Variants in SFXN5 observed in about 807,000 individuals in gnomAD.
SFXN5 encodes the protein sideroflexin-5.
SFXN5 carries 43 observed loss-of-function variants against 50.2 expected under a neutral mutation model. That is an observed-to-expected ratio of 0.86 (90% confidence interval 0.67 to 1.11). SFXN5 has a LOEUF of 1.11. SFXN5 is among the 50% of genes least tolerant of loss of function. The pLI is 0.00. For missense variants in SFXN5, 463 were observed against 454.1 expected, an observed-to-expected ratio of 1.02 and a Z score of -0.18; for synonymous variants, 203 against 185.8, an observed-to-expected ratio of 1.09 and a Z score of -0.75.
chr2:73,024,621 G>T (rs993203907), intron 3 of SFXN5, among the ~76,000 whole-genome samples: 1 of 152,108 alleles, frequency 6.6e-6, no homozygotes, highest in Admixed American at 6.6e-5. Flanking sequence ...GCCACAGCAC[G>T]CCAGCTTGGA....
chr2:72,991,380 C>T (rs190167566), intron 9 of SFXN5, among the ~76,000 whole-genome samples: 3 of 152,398 alleles, frequency 2.0e-5, no homozygotes, highest in African/African-American at 4.8e-5. Context: ...GCATGGCCAA[C>T]GTGCCTGCGC....
In SFXN5 at chr2:72,944,957, G is replaced by A; in HGVS notation, c.*65C>T. 5 of 1,492,698 alleles carry A rather than the reference G, an allele frequency of 3.3e-6. No individual in the cohort carries two copies. Among genetic ancestry groups the A allele is most frequent in the East Asian group, 2.3e-5 (1 of 42,858 alleles). The allele number at this position is 1,492,698 out of a possible 1,614,324, so 92.5% of individuals were successfully genotyped here. A position where few individuals can be genotyped will look rare whatever the true frequency, so the allele number is the denominator to read the frequency against. On this transcript the variant is annotated 3_prime_UTR_variant, in exon 14 of 14. Coordinates refer to ENST00000272433, the MANE Select transcript of SFXN5 (RefSeq NM_144579.3). Reference sequence around the variant, plus strand: ...CTGCTCCCTGCAGGTGCAGCCGTGAGTCTACGGCCCTGCCCCTCAGCTCCC... The same window carrying A: ...CTGCTCCCTGCAGGTGCAGCCGTGAATCTACGGCCCTGCCCCTCAGCTCCC...
At chr2:72,994,880 G>A (rs1384908871) in intron 9 of SFXN5, 1 of 152,360 alleles carries the variant, frequency 6.6e-6, no homozygotes. Context: ...GCCCGGAGTT[G>A]GTCATGCTCT....
At chr2:73,068,569 T>C (rs1683338831) in intron 1 of SFXN5, among the ~76,000 whole-genome samples, 1 of 152,030 alleles carries the variant, frequency 6.6e-6, no homozygotes, top group Middle Eastern at 3.2e-3. Context: ...GTCACAACCT[T>C]ACAAGTCAAT....
intron 1 of SFXN5, among the ~76,000 whole-genome samples, chr2:73,063,760 T>C (rs1682983061): frequency 6.6e-6 from 1 of 152,316 alleles, no homozygotes; most frequent in East Asian, 1.9e-4. Context: ...TTCGATACTT[T>C]ATAGATCCTG....
At chr2:73,011,775 G>C (rs1443450332) in intron 6 of SFXN5, among the ~76,000 whole-genome samples, 1 of 152,198 alleles carries the variant, frequency 6.6e-6, no homozygotes, top group Non-Finnish European at 1.5e-5. Context: ...GAATACTAGT[G>C]TTACAAAAGC....
intron 10 of SFXN5, among the ~76,000 whole-genome samples, chr2:72,974,110 C>T (rs745486090): frequency 6.6e-6 from 1 of 152,236 alleles, no homozygotes; most frequent in Non-Finnish European, 1.5e-5. Flanking sequence ...AATGTAGGGT[C>T]TCCATGGGAT....
rs1417934010 is a variant in SFXN5 at position 72,950,431 on chromosome 2, G to A, written c.946-5332C>T. On this transcript the variant is annotated intron_variant, in intron 13 of 13. Coordinates refer to ENST00000272433, the MANE Select transcript of SFXN5 (RefSeq NM_144579.3). The surrounding 1 kb of genome is among the most constrained non-coding windows in gnomAD (Gnocchi z 4.2). ...GCCAACTTAACTGGTCATTTGTTAG[G>A]ACCCCTCCAGCTCTCTGGCCATGGC... Among the ~76,000 whole-genome samples, 1 of 152,152 alleles carries A rather than the reference G, an allele frequency of 6.6e-6. No individual in the cohort carries two copies. Among genetic ancestry groups the A allele is most frequent in the Non-Finnish European group, 1.5e-5 (1 of 68,020 alleles).
At chr2:72,972,914 T>TG (rs997398884) in intron 10 of SFXN5, among the ~76,000 whole-genome samples, 27 of 150,802 alleles carry the variant, frequency 1.8e-4, no homozygotes, top group Non-Finnish European at 2.7e-4. Flanking sequence ...CTCCTTCCAG[T>TG]GGGGGGGGCC....
chr2:72,993,450 T>C (rs1559131125), intron 9 of SFXN5, among the ~76,000 whole-genome samples: 1 of 152,172 alleles, frequency 6.6e-6, no homozygotes, highest in Non-Finnish European at 1.5e-5. Context: ...AAGTGGCTTG[T>C]TTGCTGGCAA....
chr2:72,967,809 T>C (rs1674619447), intron 12 of SFXN5, among the ~76,000 whole-genome samples: 1 of 152,168 alleles, frequency 6.6e-6, no homozygotes, highest in African/African-American at 2.4e-5. Flanking sequence ...AGCCTTTCCT[T>C]CCAGCGGAGT....
At chr2:72,962,422 C>A (rs912612743) in intron 12 of SFXN5, among the ~76,000 whole-genome samples, 2 of 152,228 alleles carry the variant, frequency 1.3e-5, no homozygotes, top group Admixed American at 6.5e-5. Flanking sequence ...GAGAAGACAG[C>A]AAAATTGGGA....
intron 8 of SFXN5, among the ~76,000 whole-genome samples, chr2:72,999,662 A>G (rs1175084197): frequency 6.6e-6 from 1 of 151,892 alleles, no homozygotes; most frequent in African/African-American, 2.4e-5. Flanking sequence ...GGAGGTTTAG[A>G]TGTCAGGGGG....
intron 1 of SFXN5, among the ~76,000 whole-genome samples, chr2:73,062,132 G>T (rs114255091): frequency 6.6e-6 from 1 of 152,042 alleles, no homozygotes; most frequent in Non-Finnish European, 1.5e-5. Flanking sequence ...ATAAAATAAA[G>T]TAAAACATGA....
rs370576557 is a variant in SFXN5 at position 73,006,837 on chromosome 2, TC to T, written c.358-5260del. Among the ~76,000 whole-genome samples, 51 of 152,322 alleles carry T rather than the reference TC, an allele frequency of 3.3e-4. 1 individual carries two copies. The East Asian group carries it at 8.5e-3, about 25-fold the overall frequency. ...GCTGGCTCCTAAGCAGCCCTGCTTA[TC>T]AAACCCACCCAATCCAGGGGCCATC... On this transcript the variant is annotated intron_variant, in intron 6 of 13. Coordinates refer to ENST00000272433, the MANE Select transcript of SFXN5 (RefSeq NM_144579.3).
chr2:73,043,004 G>A (rs1679848127), intron 2 of SFXN5, among the ~76,000 whole-genome samples: 1 of 152,226 alleles, frequency 6.6e-6, no homozygotes, highest in Non-Finnish European at 1.5e-5. Flanking sequence ...GGGGGCAAAG[G>A]TTGCAGTGAG....
At chr2:73,042,648 C>G (rs1378073753) in intron 2 of SFXN5, 2 of 151,996 alleles carry the variant, frequency 1.3e-5, no homozygotes, top group African/African-American at 4.8e-5. Context: ...AAAAATTAGC[C>G]AGGCATGGTG....
At chr2:72,981,093 A>G (rs978772156) in intron 10 of SFXN5, 4 of 152,138 alleles carry the variant, frequency 2.6e-5, no homozygotes, top group African/African-American at 9.7e-5. Flanking sequence ...GGGCCTGTCT[A>G]CTAATCAGAC....
Position 72,962,281 on chromosome 2 carries a change from C to T in SFXN5, c.828-1033G>A, listed in dbSNP as rs146878238. On this transcript the variant is annotated intron_variant, in intron 12 of 13. Transcript: ENST00000272433. ...GGAAATAATCCAGGCTCTTATCCGC[C>T]GCCCCCAGCAGGGCTGACCATGCCA... 6.8e-4 allele frequency among the ~76,000 whole-genome samples: 104 copies of T among 152,322 alleles called. 1 individual carries two copies. The South Asian group carries it at 9.5e-3, about 14-fold the overall frequency.
Sources: allele counts gnomAD v4.1 joint callset (sites outside exome capture counted in the v4.1 genomes callset), GRCh38; gene constraint gnomAD v4.1.1; non-coding constraint Gnocchi (gnomAD v3.1); transcripts MANE v1.5; gene names NCBI Gene and HGNC (gene_info 2026-07-23, HGNC 2026-07-21).